CDC42SE2: variants seen among roughly 807,000 people sequenced by gnomAD.
CDC42SE2 encodes the protein CDC42 small effector 2.
A neutral mutation model predicts 11.5 loss-of-function variants in CDC42SE2; 3 were observed. That is an observed-to-expected ratio of 0.26 (90% CI 0.12 to 0.67). The LOEUF is 0.67. Ranked by LOEUF, CDC42SE2 falls within the 30% of genes least tolerant of loss-of-function variation. CDC42SE2 has a pLI of 0.80. For missense variants in CDC42SE2, 82 were observed against 106.8 expected, an observed-to-expected ratio of 0.77 and a Z score of 1.02; for synonymous variants, 33 against 34.8, an observed-to-expected ratio of 0.95 and a Z score of 0.18.
intron 1 of CDC42SE2, among the ~76,000 whole-genome samples, chr5:131,278,654 ATTG>A (rs1414826172): frequency 4.8e-5 from 7 of 144,336 alleles, no homozygotes; most frequent in South Asian, 4.6e-4. Context: ...ACCATATGAA[ATTG>A]TTGTTTTTAT....
intron 1 of CDC42SE2, among the ~76,000 whole-genome samples, chr5:131,279,681 T>G (rs1757197658): frequency 6.6e-6 from 1 of 152,112 alleles, no homozygotes; most frequent in Admixed American, 6.6e-5. Context: ...CCAGTCCGTT[T>G]TCCACACTCT....
the CDC42SE2 span, among the ~76,000 whole-genome samples, chr5:131,214,521 G>T: frequency 6.6e-6 from 1 of 152,004 alleles, no homozygotes; most frequent in Non-Finnish European, 1.5e-5. Flanking sequence ...TTTTACTCTG[G>T]CAATGGAACA....
chr5:131,241,213 C>G (rs74657230), upstream of CDC42SE2, among the ~76,000 whole-genome samples: 1 of 151,996 alleles, frequency 6.6e-6, no homozygotes, highest in Non-Finnish European at 1.5e-5. Flanking sequence ...CTCCTGACCT[C>G]GGCCTCCCAA....
At chr5:131,267,135 A>G (rs1223683827) in intron 1 of CDC42SE2, among the ~76,000 whole-genome samples, 1 of 149,718 alleles carries the variant, frequency 6.7e-6, no homozygotes, top group East Asian at 2.0e-4. Flanking sequence ...GCTCACTGCA[A>G]CCTCCACCTC....
intron 2 of CDC42SE2, among the ~76,000 whole-genome samples, chr5:131,258,744 C>T (rs992836738): frequency 6.6e-6 from 1 of 152,202 alleles, no homozygotes. Flanking sequence ...CCTCGAATTC[C>T]TTTCCCTTTG....
At chr5:131,319,094 G>A (rs1375766179) in intron 2 of CDC42SE2, among the ~76,000 whole-genome samples, 3 of 151,896 alleles carry the variant, frequency 2.0e-5, no homozygotes, top group African/African-American at 4.8e-5. Flanking sequence ...TAGTAGAGAC[G>A]GGGTTTCACC....
Position 131,309,732 on chromosome 5 carries a change from G to A in CDC42SE2, c.-454-6244G>A, listed in dbSNP as rs371575955. Among the ~76,000 whole-genome samples, 422 of 151,884 alleles carry A rather than the reference G, an allele frequency of 2.8e-3. 3 individuals carry two copies. The highest frequency in any genetic ancestry group is 6.5e-3 in the Admixed American group (99 of 15,238). ...CTTCTAGATTTTCTAGTTTATTTGC[G>A]TAGAGGTGTTTGTAGTATTCTCTGA... On this transcript the variant is annotated intron_variant, in intron 1 of 4. Transcript: ENST00000505065.
chr5:131,389,357 T>C (rs1011675514), intron 4 of CDC42SE2, among the ~76,000 whole-genome samples: 3 of 152,178 alleles, frequency 2.0e-5, no homozygotes, highest in African/African-American at 7.2e-5. Context: ...AACAAAAATA[T>C]AGATTTCTTC....
chr5:131,286,471 G>T (rs903027083), intron 1 of CDC42SE2, among the ~76,000 whole-genome samples: 3 of 144,058 alleles, frequency 2.1e-5, no homozygotes, highest in Non-Finnish European at 4.5e-5. Context: ...GAGAGGGAAT[G>T]AATGCCAACT....
At chr5:131,320,868 G>GT (rs758826771) in intron 2 of CDC42SE2, among the ~76,000 whole-genome samples, 155 of 152,310 alleles carry the variant, frequency 1.0e-3, no homozygotes, top group Non-Finnish European at 2.1e-3. Flanking sequence ...GCACGTATCG[G>GT]ATCAGTGGAG....
chr5:131,350,481 G>C (rs1580772802), intron 2 of CDC42SE2, among the ~76,000 whole-genome samples: 1 of 151,772 alleles, frequency 6.6e-6, no homozygotes, highest in African/African-American at 2.4e-5. Context: ...CTGAGATAAA[G>C]AAATGTTTCT....
intron 1 of CDC42SE2, among the ~76,000 whole-genome samples, chr5:131,298,693 C>T (rs1368704898): frequency 6.6e-6 from 1 of 151,932 alleles, no homozygotes; most frequent in Non-Finnish European, 1.5e-5. Flanking sequence ...TTTGGTACCC[C>T]ATAACAAGTT....
intron 2 of CDC42SE2, among the ~76,000 whole-genome samples, chr5:131,330,853 A>G (rs1236570233): frequency 3.4e-5 from 5 of 146,006 alleles, no homozygotes; most frequent in Non-Finnish European, 7.5e-5. Context: ...TGCCTTTACA[A>G]AAAAAAAAAA....
chr5:131,370,317 AAAAT>A (rs764562884), intron 3 of CDC42SE2, among the ~76,000 whole-genome samples: 15 of 152,220 alleles, frequency 9.9e-5, no homozygotes, highest in Non-Finnish European at 2.2e-4. Context: ...AATAATTTTT[AAAAT>A]AAATATGGCA....
chr5:131,279,696 C>G (rs914444283), intron 1 of CDC42SE2, among the ~76,000 whole-genome samples: 17 of 152,082 alleles, frequency 1.1e-4, no homozygotes, highest in African/African-American at 4.1e-4. Context: ...CACTCTCCCT[C>G]TACCTTCTCC....
upstream of CDC42SE2, chr5:131,261,213 A>G (rs1038183357): frequency 6.6e-6 from 1 of 152,230 alleles, no homozygotes; most frequent in Non-Finnish European, 1.5e-5. Flanking sequence ...TTCACTGTAT[A>G]TTATGTGAAT....
At chr5:131,347,155 A>C (rs1452387184) in intron 2 of CDC42SE2, among the ~76,000 whole-genome samples, 2 of 152,230 alleles carry the variant, frequency 1.3e-5, no homozygotes, top group African/African-American at 2.4e-5. Flanking sequence ...ATCAGAGCTG[A>C]ACTGAAGGAG....
At chr5:131,281,481 A>G (rs1252521471) in intron 1 of CDC42SE2, among the ~76,000 whole-genome samples, 2 of 152,194 alleles carry the variant, frequency 1.3e-5, no homozygotes, top group African/African-American at 2.4e-5. Flanking sequence ...AGGTAAAGTG[A>G]ATCTTGAAAC....
intron 1 of CDC42SE2, among the ~76,000 whole-genome samples, chr5:131,298,770 T>G (rs1757624089): frequency 1.3e-5 from 2 of 152,192 alleles, no homozygotes; most frequent in South Asian, 4.1e-4. Flanking sequence ...CTTCCCCTTG[T>G]GCTTTTTGCT....
Sources: allele counts gnomAD v4.1 joint callset (sites outside exome capture counted in the v4.1 genomes callset), GRCh38; gene constraint gnomAD v4.1.1; transcripts MANE v1.5; gene names NCBI Gene and HGNC (gene_info 2026-07-23, HGNC 2026-07-21).